The following EFR3B variants were observed in gnomAD, a reference collection of about 807,000 sequenced individuals.
The protein encoded by EFR3B is protein EFR3 homolog B.
EFR3B carries 64 observed loss-of-function variants against 104.7 expected under a neutral mutation model. The observed-to-expected ratio is 0.61, with a 90% CI of 0.50 to 0.75. The LOEUF (loss-of-function observed/expected upper bound fraction) is 0.75, where lower values mean the gene tolerates loss of function less well. Among genes scored for constraint, EFR3B ranks in the 30% least tolerant of loss-of-function variants. The pLI, the probability that EFR3B is intolerant of heterozygous loss-of-function variation, is 0.00. For synonymous variants in EFR3B, 385 were observed against 417.9 expected, an observed-to-expected ratio of 0.92 and a Z score of 0.96; for missense variants, 750 against 1,078.5, an observed-to-expected ratio of 0.70 and a Z score of 4.27.
chr2:25,079,258 C>A (rs1668721778), intron 1 of EFR3B, among the ~76,000 whole-genome samples: 1 of 152,174 alleles, frequency 6.6e-6, no homozygotes, highest in Admixed American at 6.5e-5. Context: ...CTGGCCAGGT[C>A]CCCGGGACTG....
intron 1 of EFR3B, among the ~76,000 whole-genome samples, chr2:25,087,827 G>A (rs1237132195): frequency 1.3e-5 from 2 of 151,166 alleles, no homozygotes; most frequent in Non-Finnish European, 2.9e-5. Context: ...TCTTTCTGTC[G>A]TGGATTGTGC....
chr2:25,054,687 G>A (rs1306242633), intron 1 of EFR3B, among the ~76,000 whole-genome samples: 1 of 152,192 alleles, frequency 6.6e-6, no homozygotes, highest in Non-Finnish European at 1.5e-5. Context: ...ATACAAGGAT[G>A]AGTGTGTCAT....
rs774691672 is a variant in EFR3B at position 25,143,725 on chromosome 2, C to G, written c.1923-10C>G. 73 of 1,551,222 alleles carry G rather than the reference C, an allele frequency of 4.7e-5. No homozygotes were observed. The highest frequency in any genetic ancestry group is 6.3e-5 in the Non-Finnish European group (72 of 1,146,858). Reference sequence around the variant, plus strand: ...GTTCTAACGAACTTTCTCCCTCCTTCATCTTCCAGGCTGTCTCAGAATCTT... The same window carrying G: ...GTTCTAACGAACTTTCTCCCTCCTTGATCTTCCAGGCTGTCTCAGAATCTT... On this transcript the variant is annotated splice_polypyrimidine_tract_variant and intron_variant, in intron 17 of 22. Transcript: ENST00000403714.
At chr2:25,066,008 C>T (rs1282376897) in intron 1 of EFR3B, among the ~76,000 whole-genome samples, 2 of 152,204 alleles carry the variant, frequency 1.3e-5, no homozygotes, top group Non-Finnish European at 2.9e-5. Context: ...CATGTCACCA[C>T]TTGGCTATGG....
rs374223663 is a variant in EFR3B at position 25,062,345 on chromosome 2, CT to C, written c.7+20028del. Among the ~76,000 whole-genome samples, 211 of 152,282 alleles carry C rather than the reference CT, an allele frequency of 1.4e-3. 1 individual carries two copies. The highest frequency in any genetic ancestry group is 5.1e-3 in the African/African-American group (210 of 41,564). On this transcript the variant is annotated intron_variant, in intron 1 of 22. Transcript: ENST00000403714. ...TGAGGGGATTAGCAATGTCCTACCT[CT>C]TGTTTGGGTGATGGTTACACAAGTG...
At chr2:25,138,707 A>C (rs1670583904) in intron 15 of EFR3B, among the ~76,000 whole-genome samples, 2 of 152,216 alleles carry the variant, frequency 1.3e-5, no homozygotes. Context: ...GTCCTCTAAG[A>C]ATCCGCTATA....
chr2:25,138,911 C>G (rs1670589295), intron 15 of EFR3B, 148 bp from the exon 16 acceptor site: 1 of 1,153,004 alleles, frequency 8.7e-7, no homozygotes, highest in Non-Finnish European at 1.2e-6. Context: ...TTTTTTCCCC[C>G]AGGAAGGTTT....
intron 20 of EFR3B, 68 bp from the exon 21 acceptor site, chr2:25,151,846 C>T (rs1671017687): frequency 1.3e-6 from 2 of 1,510,660 alleles, no homozygotes. Context: ...GACAGTGCTC[C>T]CTGGAGGAGT....
At chr2:25,099,665 T>A (rs1248216673) in intron 3 of EFR3B, among the ~76,000 whole-genome samples, 2 of 151,904 alleles carry the variant, frequency 1.3e-5, no homozygotes, top group East Asian at 1.9e-4. Flanking sequence ...TTAAAAAAAA[T>A]TTAGAAGTCA....
In EFR3B at chr2:25,112,264, G is replaced by C. The variant is rs144742623; in HGVS notation, c.363+8477G>C. 6.4e-3 allele frequency among the ~76,000 whole-genome samples: 982 copies of C among 152,398 alleles called. 16 individuals are homozygous for C. Among genetic ancestry groups the C allele is most frequent in the African/African-American group, 0.023 (940 of 41,592 alleles). On this transcript the variant is annotated intron_variant, in intron 4 of 22. Transcript: ENST00000403714. ...GGTAGGGACAGGCTCTGAGAGCAGA[G>C]GCAGCCAGCTGGTGTTCCCCGAGGT...
chr2:25,060,958 C>A (rs562247429), intron 1 of EFR3B, among the ~76,000 whole-genome samples: 1 of 138,284 alleles, frequency 7.2e-6, no homozygotes, highest in Non-Finnish European at 1.6e-5. Flanking sequence ...CAACAAAAAC[C>A]AAAAAACTAG....
In EFR3B at chr2:25,130,071, C is replaced by T; in HGVS notation, c.732C>T (p.Ala244=). The T allele has an allele frequency of 6.4e-7, 1 of 1,551,848 alleles. No individual in the cohort carries two copies. The highest frequency in any genetic ancestry group is 1.2e-5 in the South Asian group (1 of 84,068). The change falls in exon 7 of 23, where the codon GCC becomes GCT. Residue 244 remains alanine (A), a synonymous_variant. Transcript: ENST00000403714. The surrounding 1 kb of genome is among the most constrained non-coding windows in gnomAD (Gnocchi z 4.6). ...RCLRELLGRA[A]FGNIKNAIKP... is the part of the protein sequence containing the mutation. ...TTCGGGAGCTGCTGGGCCGGGCTGC[C>T]TTTGGCAACATCAAAAACGCCATCA...
At chr2:25,096,119 G>A (rs1034769119) in intron 3 of EFR3B, among the ~76,000 whole-genome samples, 2 of 151,978 alleles carry the variant, frequency 1.3e-5, no homozygotes, top group African/African-American at 2.4e-5. Flanking sequence ...GGGTTCAAGC[G>A]ATTCTCCTGC....
At chr2:25,153,826 G>C in intron 22 of EFR3B, 65 bp downstream of exon 22, 1 of 1,470,124 alleles carries the variant, frequency 6.8e-7, no homozygotes, top group Middle Eastern at 1.7e-4. Flanking sequence ...TCCTCATCCT[G>C]AGTCCTCTCA....
At chr2:25,085,989 T>C (rs1221122003) in intron 1 of EFR3B, among the ~76,000 whole-genome samples, 1 of 152,038 alleles carries the variant, frequency 6.6e-6, no homozygotes, top group Non-Finnish European at 1.5e-5. Flanking sequence ...ATGTACTTTT[T>C]CTTTTTAAGA....
intron 1 of EFR3B, among the ~76,000 whole-genome samples, chr2:25,076,490 T>G (rs918474925): frequency 6.6e-6 from 1 of 152,090 alleles, no homozygotes; most frequent in African/African-American, 2.4e-5. Context: ...TTCCTTCCAT[T>G]TTGCGGATAA....
At chr2:25,117,224 C>G (rs1669887379) in intron 4 of EFR3B, among the ~76,000 whole-genome samples, 2 of 152,112 alleles carry the variant, frequency 1.3e-5, no homozygotes, top group African/African-American at 4.8e-5. Context: ...GGCGTGGCTT[C>G]CCAGGTGTGG....
At chr2:25,067,395 T>C (rs540953745) in intron 1 of EFR3B, among the ~76,000 whole-genome samples, 19 of 152,182 alleles carry the variant, frequency 1.2e-4, no homozygotes, top group African/African-American at 4.6e-4. Context: ...AATCATATCA[T>C]AGGTGTTCTA....
chr2:25,118,724 T>TAAAAAA (rs1208806738), intron 4 of EFR3B, among the ~76,000 whole-genome samples: 3 of 9,010 alleles, frequency 3.3e-4, no homozygotes, highest in Non-Finnish European at 9.3e-4. Flanking sequence ...ACCCTGTCTC[T>TAAAAAA]ACAAAAAAAA....
Sources: allele counts gnomAD v4.1 joint callset (sites outside exome capture counted in the v4.1 genomes callset), GRCh38; gene constraint gnomAD v4.1.1; non-coding constraint Gnocchi (gnomAD v3.1); transcripts MANE v1.5; gene names NCBI Gene and HGNC (gene_info 2026-07-23, HGNC 2026-07-21).